Variants in NIBAN2 observed in about 807,000 individuals in gnomAD.
NIBAN2 encodes the protein protein Niban 2.
NIBAN2 carries 36 observed loss-of-function variants against 81.8 expected under a neutral mutation model. The ratio of observed to expected loss-of-function variants is 0.44; its 90% CI spans 0.34 to 0.58. The LOEUF is 0.58. Ranked by LOEUF, NIBAN2 falls within the 20% of genes least tolerant of loss-of-function variation. The probability of loss-of-function intolerance (pLI) is 0.02; values close to 1 mark genes in which losing one functional copy is unlikely to be tolerated. For missense variants in NIBAN2, 897 were observed against 1,014.1 expected (o/e 0.88, Z 1.57); for synonymous variants, 445 against 441.6 (o/e 1.01, Z -0.10).
chr9:127,528,194 G>A (rs1211668030), intron 2 of NIBAN2, among the ~76,000 whole-genome samples: 1 of 152,222 alleles, frequency 6.6e-6, no homozygotes, highest in Non-Finnish European at 1.5e-5. Context: ...GACTTATCTG[G>A]GGATGGGGAA....
In NIBAN2 at chr9:127,532,966, T is replaced by C. The variant is rs1167863989; in HGVS notation, c.56-1188A>G. 2.0e-5 allele frequency among the ~76,000 whole-genome samples: 3 copies of C among 152,252 alleles called. 1 individual carries two copies. Among genetic ancestry groups the C allele is most frequent in the East Asian group, 3.9e-4 (2 of 5,172 alleles). ...TGAGGTCAGGAGTTCGAGACCAGCCTGGCCAACATGGCAAAACCCCATCTC... is the reference window on the plus strand; with the variant it reads ...TGAGGTCAGGAGTTCGAGACCAGCCCGGCCAACATGGCAAAACCCCATCTC... On this transcript the variant is annotated intron_variant, in intron 1 of 13. Transcript: ENST00000373312.
upstream of NIBAN2, among the ~76,000 whole-genome samples, chr9:127,573,312 GT>G (rs376460482): frequency 4.9e-4 from 67 of 137,894 alleles, no homozygotes; most frequent in Middle Eastern, 3.9e-3. Flanking sequence ...AGAATTTGTT[GT>G]TTTTTTTTTT....
chr9:127,578,873 A>G (rs1233567017), intron 1 of NIBAN2: 5 of 1,590,820 alleles, frequency 3.1e-6, no homozygotes, highest in Admixed American at 1.7e-5. Flanking sequence ...AACAAACAAA[A>G]AAGAACCCCG....
chr9:127,525,327 T>C (rs1027434734), intron 3 of NIBAN2, among the ~76,000 whole-genome samples, 164 bp from the exon 4 acceptor site: 30 of 152,078 alleles, frequency 2.0e-4, no homozygotes, highest in Admixed American at 5.2e-4. Flanking sequence ...ATCATGGTGA[T>C]TGGGGCAGTG....
At chr9:127,578,781 C>CA in intron 1 of NIBAN2, 1 of 735,896 alleles carries the variant, frequency 1.4e-6, no homozygotes. Context: ...CCCTTGAGCC[C>CA]AGGAGTTTGA....
At chr9:127,537,997 C>T (rs1837309619) in intron 1 of NIBAN2, among the ~76,000 whole-genome samples, 1 of 152,204 alleles carries the variant, frequency 6.6e-6, no homozygotes, top group South Asian at 2.1e-4. Flanking sequence ...AGGCCTCTGT[C>T]TCCACCTGGT....
chr9:127,572,677 T>A (rs1257493718), upstream of NIBAN2, among the ~76,000 whole-genome samples: 2 of 151,956 alleles, frequency 1.3e-5, no homozygotes, highest in Non-Finnish European at 2.9e-5. Flanking sequence ...CCTCCTACTG[T>A]CCTCACAGCT....
At chr9:127,558,048 C>CT (rs35842178) in intron 1 of NIBAN2, among the ~76,000 whole-genome samples, 32,314 of 151,996 alleles carry the variant, frequency 0.21, 3,528 homozygotes, top group African/African-American at 0.23. Context: ...AGGGCTGCCC[C>CT]TTCCCCCTCC....
In NIBAN2 at chr9:127,507,450, A is replaced by G. The variant is rs1231111107; in HGVS notation, c.1655-19T>C. On this transcript the variant is annotated intron_variant, in intron 13 of 13. Coordinates refer to ENST00000373312, the MANE Select transcript of NIBAN2 (RefSeq NM_022833.4). The surrounding 1 kb of genome is among the most constrained non-coding windows in gnomAD (Gnocchi z 6.8). ...TTCACAGCTACAGGGCCACAGGGGA[A>G]GGGTCAGGACACAGCACTGATCCCA... 2.0e-6 allele frequency: 3 copies of G among 1,489,920 alleles called. No individual in the cohort carries two copies. In the African/African-American group the frequency reaches 4.2e-5, roughly 21 times the overall value. The allele number at this position is 1,489,920 out of a possible 1,614,324, so 92.3% of individuals were successfully genotyped here.
chr9:127,515,544 CA>C (rs1836813851), intron 8 of NIBAN2, among the ~76,000 whole-genome samples: 1 of 21,022 alleles, frequency 4.8e-5, no homozygotes, highest in Non-Finnish European at 1.1e-4. Context: ...AAAAAACAAA[CA>C]AAAAAAACAG....
At chr9:127,564,031 G>A (rs1031252328) in intron 1 of NIBAN2, among the ~76,000 whole-genome samples, 2 of 151,650 alleles carry the variant, frequency 1.3e-5, no homozygotes, top group Admixed American at 6.6e-5. Flanking sequence ...GGTGGCTCAC[G>A]CCTATAATCT....
rs3824524 is a variant in NIBAN2 at position 127,508,407 on chromosome 9, C to T, written c.1434+15G>A. The T allele has an allele frequency of 0.12, 184,706 of 1,591,642 alleles. 14,405 individuals carry two copies. Among genetic ancestry groups the T allele is most frequent in the Admixed American group, 0.39 (23,321 of 59,902 alleles). On this transcript the variant is annotated intron_variant, in intron 11 of 13. Transcript: ENST00000373312. The surrounding 1 kb of genome is among the most constrained non-coding windows in gnomAD (Gnocchi z 6.4). ...TCGCCTAGGACGGTCCGGGGCAGGGCGTGGGGCCGCTCACCTTCAGCACCC... is the reference window on the plus strand; with the variant it reads ...TCGCCTAGGACGGTCCGGGGCAGGGTGTGGGGCCGCTCACCTTCAGCACCC...
At chr9:127,526,009 T>C (rs1837055487) in intron 3 of NIBAN2, among the ~76,000 whole-genome samples, 1 of 152,174 alleles carries the variant, frequency 6.6e-6, no homozygotes, top group Admixed American at 6.5e-5. Context: ...GGTGTCACTA[T>C]ACAACACAGT....
chr9:127,562,471 T>A (rs747201368), intron 1 of NIBAN2, among the ~76,000 whole-genome samples: 2 of 152,198 alleles, frequency 1.3e-5, no homozygotes, highest in African/African-American at 4.8e-5. Context: ...CCCTGCTCTA[T>A]CAACCATGTC....
intron 8 of NIBAN2, among the ~76,000 whole-genome samples, chr9:127,510,898 CA>C (rs1836725186): frequency 6.6e-6 from 1 of 152,056 alleles, no homozygotes; most frequent in African/African-American, 2.4e-5. Flanking sequence ...ATTTTAGATG[CA>C]GGGGGTACAC....
Position 127,508,333 on chromosome 9 carries a change from A to G in NIBAN2, c.1434+89T>C. ...CAAGAGGACCATGGCGCCTCCTTGCAGGGACAGCAATCCTGGTGGTGGCCG... is the reference window on the plus strand; with the variant it reads ...CAAGAGGACCATGGCGCCTCCTTGCGGGGACAGCAATCCTGGTGGTGGCCG... On this transcript the variant is annotated intron_variant, in intron 11 of 13. Coordinates refer to ENST00000373312, the MANE Select transcript of NIBAN2 (RefSeq NM_022833.4). The surrounding 1 kb of genome is among the most constrained non-coding windows in gnomAD (Gnocchi z 6.4). 7.3e-7 allele frequency: 1 copy of G among 1,361,620 alleles called. No homozygotes were observed. Among genetic ancestry groups the G allele is most frequent in the Non-Finnish European group, 1.0e-6 (1 of 962,090 alleles). The allele number at this position is 1,361,620 out of a possible 1,614,324, so 84.3% of individuals were successfully genotyped here. A position where few individuals can be genotyped will look rare whatever the true frequency, so the allele number is the denominator to read the frequency against.
Position 127,568,936 on chromosome 9 carries a change from C to T in NIBAN2, c.-62G>A. 8.3e-7 allele frequency: 1 copy of T among 1,205,536 alleles called. No homozygotes were observed. Among genetic ancestry groups the T allele is most frequent in the South Asian group, 3.3e-5 (1 of 30,102 alleles). The allele number at this position is 1,205,536 out of a possible 1,614,324, so 74.7% of individuals were successfully genotyped here. On this transcript the variant is annotated 5_prime_UTR_variant, in exon 1 of 14. Transcript: ENST00000373312. ...GCCGCTGTTGCCCGCGCTGCTCAGG[C>T]GGACGCCGCTGGCGCCATGGAGCCC...
chr9:127,546,599 G>C (rs527341893), intron 1 of NIBAN2, among the ~76,000 whole-genome samples: 3 of 152,278 alleles, frequency 2.0e-5, no homozygotes, highest in African/African-American at 7.2e-5. Flanking sequence ...ACAACCACTG[G>C]GGCAGGGCTG....
At chr9:127,544,560 G>C (rs1290827791) in intron 1 of NIBAN2, among the ~76,000 whole-genome samples, 1 of 151,878 alleles carries the variant, frequency 6.6e-6, no homozygotes, top group Non-Finnish European at 1.5e-5. Flanking sequence ...CTGGAGTGCA[G>C]TGGCATGATC....
Sources: allele counts gnomAD v4.1 joint callset (sites outside exome capture counted in the v4.1 genomes callset), GRCh38; gene constraint gnomAD v4.1.1; non-coding constraint Gnocchi (gnomAD v3.1); transcripts MANE v1.5; gene names NCBI Gene and HGNC (gene_info 2026-07-23, HGNC 2026-07-21).